Variants in WIPF2 observed in about 807,000 individuals in gnomAD.
The protein encoded by WIPF2 is WAS/WASL interacting protein family member 2, also known as WAS/WASL-interacting protein family member 2.
Under a neutral mutation model 38.8 loss-of-function variants are expected in WIPF2, and 23 were observed. The ratio of observed to expected loss-of-function variants is 0.59; its 90% CI spans 0.43 to 0.84. The LOEUF (loss-of-function observed/expected upper bound fraction) is 0.84. WIPF2 is among the 40% of genes least tolerant of loss of function. WIPF2 has a pLI of 0.00. For synonymous variants in WIPF2, 210 were observed against 223.2 expected (o/e 0.94, Z 0.53); for missense variants, 574 against 580.5 (o/e 0.99, Z 0.11).
At chr17:40,224,161 A>G (rs964944330) in intron 1 of WIPF2, among the ~76,000 whole-genome samples, 1 of 149,470 alleles carries the variant, frequency 6.7e-6, no homozygotes, top group Non-Finnish European at 1.5e-5. Flanking sequence ...TTTTGAGATA[A>G]CATATGGAGG....
intron 1 of WIPF2, among the ~76,000 whole-genome samples, chr17:40,247,647 G>A (rs536344372): frequency 9.3e-5 from 14 of 150,218 alleles, no homozygotes; most frequent in Admixed American, 5.3e-4. Flanking sequence ...TCAGCCTCCC[G>A]AGTAGCTGGA....
intron 1 of WIPF2, among the ~76,000 whole-genome samples, chr17:40,252,911 A>G (rs2031604219): frequency 6.7e-6 from 1 of 150,124 alleles, no homozygotes; most frequent in South Asian, 2.1e-4. Flanking sequence ...TTGTAATCCC[A>G]TGTGCCACCA....
At chr17:40,231,411 C>T (rs1437924530) in intron 1 of WIPF2, among the ~76,000 whole-genome samples, 2 of 148,640 alleles carry the variant, frequency 1.3e-5, no homozygotes, top group East Asian at 3.9e-4. Flanking sequence ...TGACTGTTCT[C>T]TGTGCTTTTC....
intron 1 of WIPF2, among the ~76,000 whole-genome samples, chr17:40,251,869 G>C (rs900975002): frequency 1.1e-4 from 17 of 152,288 alleles, no homozygotes; most frequent in Admixed American, 5.9e-4. Context: ...AATCCCTGTG[G>C]AGCCAGAAGA....
intron 1 of WIPF2, among the ~76,000 whole-genome samples, chr17:40,252,095 C>T (rs1267028892): frequency 6.6e-6 from 1 of 152,066 alleles, no homozygotes; most frequent in Non-Finnish European, 1.5e-5. Context: ...ATCTGTTTTT[C>T]AATTAGAGTT....
chr17:40,222,654 G>GGTT (rs2030294967), intron 1 of WIPF2, among the ~76,000 whole-genome samples: 1 of 52,820 alleles, frequency 1.9e-5, no homozygotes, highest in African/African-American at 7.0e-5. Context: ...TGCATATTCA[G>GGTT]TTTTTTTTTT....
chr17:40,239,035 T>C (rs1207993139), intron 1 of WIPF2, among the ~76,000 whole-genome samples: 1 of 148,080 alleles, frequency 6.8e-6, no homozygotes, highest in Non-Finnish European at 1.5e-5. Flanking sequence ...GTCTGGCTTC[T>C]GTTTATTTTA....
At chr17:40,256,588 C>CT (rs1297796506) in intron 2 of WIPF2, 66 bp downstream of exon 2, 119 of 1,497,864 alleles carry the variant, frequency 7.9e-5, no homozygotes, top group Admixed American at 2.7e-4. Flanking sequence ...TCCTCACATA[C>CT]TTTTTTTTTC....
In WIPF2 at chr17:40,264,837, C is replaced by T. The variant is rs1290037543; in HGVS notation, c.661C>T (p.Arg221Ter). The T allele has an allele frequency of 3.1e-6, 5 of 1,614,080 alleles. No homozygotes were observed. The highest frequency in any genetic ancestry group is 1.7e-5 in the Admixed American group (1 of 60,016). ...PTPGQRLHPG[R>*]EGPPAPPPVK... Reference sequence around the variant, plus strand: ...GCCTGGACAAAGGCTTCACCCTGGTCGAGAGGGACCTCCTGCTCCACCCCC... The same window carrying T: ...GCCTGGACAAAGGCTTCACCCTGGTTGAGAGGGACCTCCTGCTCCACCCCC... Residue 221 changes from arginine (R) to a stop codon, truncating the protein, a stop_gained, in exon 5 of 8, where the codon CGA becomes TGA. Transcript: ENST00000323571. LOFTEE classifies it high-confidence loss of function.
intron 1 of WIPF2, among the ~76,000 whole-genome samples, chr17:40,225,095 A>G (rs572568470): frequency 2.6e-5 from 4 of 152,244 alleles, no homozygotes; most frequent in African/African-American, 9.6e-5. Flanking sequence ...AAATAGAGGC[A>G]GTACTCTTTA....
rs1395898723 is a variant in WIPF2 at position 40,279,143 on chromosome 17, C to T, written c.*918C>T. 1 of 152,268 alleles carries T rather than the reference C, an allele frequency of 6.6e-6. No individual in the cohort carries two copies. Among genetic ancestry groups the T allele is most frequent in the Non-Finnish European group, 1.5e-5 (1 of 68,074 alleles). 9.4% of individuals were successfully genotyped at this position (152,268 alleles called of 1,614,324 possible). A position where few individuals can be genotyped will look rare whatever the true frequency, so the allele number is the denominator to read the frequency against. ...AGGAAGATAGGGCGTGGGCCTGGGCCTTAACCTCAATCTTGTGTCTGCCTC... is the reference window on the plus strand; with the variant it reads ...AGGAAGATAGGGCGTGGGCCTGGGCTTTAACCTCAATCTTGTGTCTGCCTC... On this transcript the variant is annotated 3_prime_UTR_variant, in exon 8 of 8. Coordinates refer to ENST00000323571, the MANE Select transcript of WIPF2 (RefSeq NM_133264.5).
chr17:40,230,840 C>T (rs1319670898), intron 1 of WIPF2, among the ~76,000 whole-genome samples: 1 of 152,130 alleles, frequency 6.6e-6, no homozygotes, highest in Non-Finnish European at 1.5e-5. Flanking sequence ...TTATTTTGAA[C>T]CGATGAATAT....
intron 1 of WIPF2, among the ~76,000 whole-genome samples, chr17:40,244,425 T>C (rs1240870228): frequency 6.6e-6 from 1 of 152,092 alleles, no homozygotes; most frequent in African/African-American, 2.4e-5. Context: ...CTGGATTGCT[T>C]TTCAGGAGCA....
chr17:40,237,905 A>C (rs138672927), intron 1 of WIPF2, among the ~76,000 whole-genome samples: 26,505 of 149,156 alleles, frequency 0.18, 2,953 homozygotes, highest in East Asian at 0.28. Context: ...CCAAAAAAAA[A>C]AAAAAAAAAA....
At chr17:40,222,141 T>C (rs200204224) in intron 1 of WIPF2, among the ~76,000 whole-genome samples, 4 of 4 alleles carry the variant, frequency 1, 2 homozygotes, top group African/African-American at 1. Flanking sequence ...GCAACCTCTG[T>C]CTCCTGGGTT....
chr17:40,226,116 CT>C (rs543155980), intron 1 of WIPF2, among the ~76,000 whole-genome samples: 2 of 147,056 alleles, frequency 1.4e-5, no homozygotes, highest in Non-Finnish European at 1.5e-5. Context: ...ATCGAATAAT[CT>C]TTTTTTTTCC....
At chr17:40,250,389 C>T (rs1165129961) in intron 1 of WIPF2, among the ~76,000 whole-genome samples, 1 of 150,298 alleles carries the variant, frequency 6.7e-6, no homozygotes, top group East Asian at 2.0e-4. Context: ...CGCTGCCATG[C>T]CCGGCTAATT....
chr17:40,264,358 A>AAAAAAAAACCC, intron 4 of WIPF2, 132 bp from the exon 5 acceptor site: 1 of 712,258 alleles, frequency 1.4e-6, no homozygotes, highest in Non-Finnish European at 2.3e-6. Context: ...AAAAAAGAAA[A>AAAAAAAAACCC]ACAAAAAACC....
chr17:40,241,239 C>T (rs1031967798), intron 1 of WIPF2, among the ~76,000 whole-genome samples: 9 of 152,108 alleles, frequency 5.9e-5, no homozygotes, highest in East Asian at 1.9e-4. Context: ...TTTAGATTAG[C>T]GCCCAGGGAT....
Sources: gnomAD v4.1 joint callset for allele counts (sites outside exome capture counted in the v4.1 genomes callset) on GRCh38, gnomAD v4.1.1 for gene constraint, MANE v1.5 for transcripts, NCBI Gene and HGNC (gene_info 2026-07-23, HGNC 2026-07-21) for gene names.